Variants in SCFD1 observed in about 807,000 individuals in gnomAD.
SCFD1 encodes the protein sec1 family domain-containing protein 1.
SCFD1 carries 37 observed loss-of-function variants against 103.2 expected under a neutral mutation model. The observed-to-expected ratio is 0.36, with a 90% CI of 0.28 to 0.47. SCFD1 has a LOEUF of 0.47. SCFD1 is among the 20% of genes least tolerant of loss of function. The pLI is 1.00. For missense variants in SCFD1, 639 were observed against 761.2 expected, an observed-to-expected ratio of 0.84 and a Z score of 1.89; for synonymous variants, 264 against 245.0, an observed-to-expected ratio of 1.08 and a Z score of -0.73.
At chr14:30,657,361 A>C (rs1419220780) in intron 10 of SCFD1, among the ~76,000 whole-genome samples, 1 of 152,196 alleles carries the variant, frequency 6.6e-6, no homozygotes, top group Non-Finnish European at 1.5e-5. Context: ...CCAAACAAGG[A>C]TAATACTGGT....
At chr14:30,624,883 T>C (rs1440184084) in intron 1 of SCFD1, among the ~76,000 whole-genome samples, 1 of 152,154 alleles carries the variant, frequency 6.6e-6, no homozygotes, top group Non-Finnish European at 1.5e-5. Flanking sequence ...ATTTGTTTCT[T>C]CTTTGTGGAG....
At chr14:30,734,474 T>C (rs1893696980) in intron 23 of SCFD1, 2 of 326,934 alleles carry the variant, frequency 6.1e-6, no homozygotes, top group African/African-American at 4.2e-5. Context: ...AGAATGTTGT[T>C]CTAAGATTTT....
Position 30,673,356 on chromosome 14 carries a change from C to G in SCFD1, c.1086+9C>G, listed in dbSNP as rs773876956. On this transcript the variant is annotated intron_variant, in intron 12 of 24. Coordinates refer to ENST00000458591, the MANE Select transcript of SCFD1 (RefSeq NM_016106.4). Reference sequence around the variant, plus strand: ...GACTTAAAAGCATTATGGTAAGATTCTATTTGCTTTCTAAGAATTATAGGA... The same window carrying G: ...GACTTAAAAGCATTATGGTAAGATTGTATTTGCTTTCTAAGAATTATAGGA... The G allele has an allele frequency of 4.2e-6, 6 of 1,418,612 alleles. No individual in the cohort carries two copies. Among genetic ancestry groups the G allele is most frequent in the Non-Finnish European group, 3.0e-6 (3 of 1,015,710 alleles). The allele number at this position is 1,418,612 out of a possible 1,614,324, so 87.9% of individuals were successfully genotyped here. A position where few individuals can be genotyped will look rare whatever the true frequency, so the allele number is the denominator to read the frequency against.
At chr14:30,654,711 G>C (rs976062401) in intron 10 of SCFD1, among the ~76,000 whole-genome samples, 2 of 151,542 alleles carry the variant, frequency 1.3e-5, no homozygotes, top group African/African-American at 2.4e-5. Flanking sequence ...ACATGCAATA[G>C]ATGATTTGGT....
At chr14:30,728,139 C>G (rs1261047001) in intron 23 of SCFD1, among the ~76,000 whole-genome samples, 2 of 152,144 alleles carry the variant, frequency 1.3e-5, no homozygotes, top group Non-Finnish European at 2.9e-5. Flanking sequence ...TCCACCCCTC[C>G]CTTATTTTTC....
intron 5 of SCFD1, among the ~76,000 whole-genome samples, chr14:30,638,547 T>C (rs1318846271): frequency 1.3e-5 from 2 of 152,232 alleles, no homozygotes; most frequent in South Asian, 4.1e-4. Context: ...AGAAATCATT[T>C]GACAGTTGTA....
chr14:30,728,690 G>T (rs777662746), intron 23 of SCFD1, among the ~76,000 whole-genome samples: 1 of 152,132 alleles, frequency 6.6e-6, no homozygotes, highest in African/African-American at 2.4e-5. Flanking sequence ...CCCCAGCAGT[G>T]CATGAGGGTT....
intron 7 of SCFD1, among the ~76,000 whole-genome samples, chr14:30,646,254 C>T (rs1167320192): frequency 6.6e-6 from 1 of 151,908 alleles, no homozygotes; most frequent in African/African-American, 2.4e-5. Flanking sequence ...ATCTCTTGAC[C>T]TCGTGATCCA....
intron 3 of SCFD1, among the ~76,000 whole-genome samples, chr14:30,631,822 G>A (rs1270461333): frequency 6.6e-6 from 1 of 152,072 alleles, no homozygotes; most frequent in Non-Finnish European, 1.5e-5. Flanking sequence ...CGGGTGGGCG[G>A]ATCACTTGAG....
At chr14:30,644,969 T>TA (rs1885661693) in intron 7 of SCFD1, among the ~76,000 whole-genome samples, 1 of 152,186 alleles carries the variant, frequency 6.6e-6, no homozygotes, top group Non-Finnish European at 1.5e-5. Flanking sequence ...TTTGAGGTCT[T>TA]ACATTTAAGT....
At chr14:30,679,545 GA>G (rs1594683937) in intron 14 of SCFD1, among the ~76,000 whole-genome samples, 2 of 151,776 alleles carry the variant, frequency 1.3e-5, no homozygotes, top group Non-Finnish European at 2.9e-5. Context: ...ATGCAAGAAA[GA>G]AAAAAAATGT....
At chr14:30,722,405 CT>C (rs5807595) in intron 22 of SCFD1, 88 bp from the exon 23 acceptor site, 44,444 of 918,880 alleles carry the variant, frequency 0.048, 1,818 homozygotes, top group African/African-American at 0.17. Flanking sequence ...TAGAATATGA[CT>C]TTTGGCTAGC....
rs1892663178 is a variant in SCFD1, at chr14:30,721,725, T to C, written c.1737-159T>C. 6.5e-6 allele frequency: 4 copies of C among 617,590 alleles called. No individual in the cohort carries two copies. The South Asian group carries it at 8.0e-5, about 12-fold the overall frequency. The allele number at this position is 617,590 out of a possible 1,614,324, so 38.3% of individuals were successfully genotyped here. On this transcript the variant is annotated intron_variant, in intron 21 of 24. Transcript: ENST00000458591. ...TCTTAATGAAACCCAGTTCACTACCTGGCTCAGCAAAATTAAAGGACCCAC... is the reference window on the plus strand; with the variant it reads ...TCTTAATGAAACCCAGTTCACTACCCGGCTCAGCAAAATTAAAGGACCCAC...
intron 21 of SCFD1, among the ~76,000 whole-genome samples, chr14:30,721,042 A>T (rs1455118500): frequency 6.6e-6 from 1 of 152,080 alleles, no homozygotes; most frequent in Non-Finnish European, 1.5e-5. Context: ...TAGTAATACT[A>T]TTCTATAAGT....
chr14:30,653,204 G>C (rs1886567427), intron 9 of SCFD1, among the ~76,000 whole-genome samples: 1 of 152,060 alleles, frequency 6.6e-6, no homozygotes, highest in South Asian at 2.1e-4. Context: ...CAGAAACCAA[G>C]GCAGAAGGAT....
At chr14:30,735,495 G>T (rs758948429) in intron 24 of SCFD1, 91 bp from the exon 25 acceptor site, 62 of 856,220 alleles carry the variant, frequency 7.2e-5, no homozygotes, top group Non-Finnish European at 1.2e-4. Context: ...AATAGGAAGT[G>T]TAATTTATTA....
chr14:30,706,080 G>A (rs1435927596), intron 18 of SCFD1, among the ~76,000 whole-genome samples, 195 bp downstream of exon 18: 1 of 150,214 alleles, frequency 6.7e-6, no homozygotes, highest in African/African-American at 2.5e-5. Flanking sequence ...TTTAATAATT[G>A]TACATATTTA....
intron 14 of SCFD1, chr14:30,683,366 C>T (rs1447810390): frequency 2.5e-5 from 14 of 562,476 alleles, no homozygotes; most frequent in South Asian, 2.1e-4. Flanking sequence ...AGAGCTTATG[C>T]TTATACCTCA....
At chr14:30,673,649 C>T (rs1175143439) in intron 12 of SCFD1, among the ~76,000 whole-genome samples, 1 of 152,092 alleles carries the variant, frequency 6.6e-6, no homozygotes, top group Non-Finnish European at 1.5e-5. Context: ...TGCTGTGTGA[C>T]CTATGGCACG....
Sources: allele counts gnomAD v4.1 joint callset (sites outside exome capture counted in the v4.1 genomes callset), GRCh38; gene constraint gnomAD v4.1.1; transcripts MANE v1.5; gene names NCBI Gene and HGNC (gene_info 2026-07-23, HGNC 2026-07-21).